Variants in CEP350 observed in about 807,000 individuals in gnomAD.
CEP350 encodes the protein centrosomal protein 350.
A neutral mutation model predicts 331.8 loss-of-function variants in CEP350; 126 were observed. The observed-to-expected ratio is 0.38, with a 90% CI of 0.33 to 0.44. CEP350 has a LOEUF of 0.44. Ranked by LOEUF, CEP350 falls within the 20% of genes least tolerant of loss-of-function variation. CEP350 has a pLI of 1.00. For synonymous variants in CEP350, 1,200 were observed against 1,259.5 expected (o/e 0.95, Z 1.00); for missense variants, 3,406 against 3,634.6 (o/e 0.94, Z 1.62).
chr1:180,070,749 G>T (rs1405259641), intron 27 of CEP350, among the ~76,000 whole-genome samples: 1 of 152,176 alleles, frequency 6.6e-6, no homozygotes, highest in Non-Finnish European at 1.5e-5. Flanking sequence ...ATTAGAAACT[G>T]ATCCTTCTAA....
rs558899410 is a variant in CEP350, at chr1:180,108,033, A to G, written c.9190-2964A>G. On this transcript the variant is annotated intron_variant, in intron 37 of 37. Transcript: ENST00000367607. ...TAGAGGCAAATTTGCAGGCTATGAG[A>G]TCCCCCAGTTGTTATAGTTGAAGAT... Among the ~76,000 whole-genome samples the G allele has an allele frequency of 1.5e-4, 23 of 152,268 alleles. No homozygotes were observed. The South Asian group carries it at 4.8e-3, about 32-fold the overall frequency.
At position 179,957,543 on chromosome 1, in the gene CEP350, G is replaced by C. The variant is rs534867090; in HGVS notation, c.-14+2401G>C. 2.3e-4 allele frequency among the ~76,000 whole-genome samples: 35 copies of C among 152,280 alleles called. 1 individual carries two copies. Among genetic ancestry groups the C allele is most frequent in the Middle Eastern group, 3.4e-3 (1 of 294 alleles). Reference sequence around the variant, plus strand: ...TCCTTTAATCACTATTATGCACCCAGTGCCTAGCATATGGTAACATAGTCA... The same window carrying C: ...TCCTTTAATCACTATTATGCACCCACTGCCTAGCATATGGTAACATAGTCA... On this transcript the variant is annotated intron_variant, in intron 1 of 37. Coordinates refer to ENST00000367607, the MANE Select transcript of CEP350 (RefSeq NM_014810.5).
chr1:180,045,123 C>G (rs760835196), intron 21 of CEP350, among the ~76,000 whole-genome samples: 15 of 152,144 alleles, frequency 9.9e-5, no homozygotes, highest in African/African-American at 3.6e-4. Flanking sequence ...GGGAAGATCA[C>G]CTGAGGTTAG....
At chr1:180,019,594 T>G (rs1655185241) in intron 11 of CEP350, among the ~76,000 whole-genome samples, 1 of 152,176 alleles carries the variant, frequency 6.6e-6, no homozygotes, top group Non-Finnish European at 1.5e-5. Flanking sequence ...GGAATTCTGT[T>G]TATAGAATTT....
chr1:180,028,662 G>A (rs1312338884), intron 14 of CEP350, among the ~76,000 whole-genome samples: 1 of 151,882 alleles, frequency 6.6e-6, no homozygotes, highest in East Asian at 1.9e-4. Context: ...AAATTATCCA[G>A]GCGTGGTGGC....
intron 30 of CEP350, among the ~76,000 whole-genome samples, chr1:180,082,713 C>T (rs1659652009): frequency 6.6e-6 from 1 of 152,144 alleles, no homozygotes; most frequent in Non-Finnish European, 1.5e-5. Context: ...AATCTTCAAC[C>T]ATAGATGGTA....
At position 180,036,979 on chromosome 1, in the gene CEP350, A is replaced by C. The variant is rs903887328; in HGVS notation, c.4000A>C (p.Ser1334Arg). The C allele has an allele frequency of 1.9e-6, 3 of 1,595,432 alleles. No homozygotes were observed. The African/African-American group carries it at 4.0e-5, about 21-fold the overall frequency. Residue 1334 changes from serine (S) to arginine (R), a missense_variant, in exon 17 of 38, where the codon AGT becomes CGT. Around this residue, in one of 5 missense-constraint regions of CEP350, gnomAD observed 1,857 missense variants for 1,909.2 expected, o/e 0.97. Coordinates refer to ENST00000367607, the MANE Select transcript of CEP350 (RefSeq NM_014810.5). ...GLHHRMAAEL[S>R]YLNAIEESVR... ...CCATCATCGTATGGCAGCAGAACTC[A>C]GTTATCTGAACGCCATTGAGGAGTC... is the stretch of plus-strand genomic sequence containing the variant.
chr1:180,074,362 C>A (rs1659086974), intron 27 of CEP350, among the ~76,000 whole-genome samples: 1 of 152,116 alleles, frequency 6.6e-6, no homozygotes. Context: ...TTTGATGCAT[C>A]CCTTTACTCA....
In CEP350 at chr1:180,003,278, C is replaced by G; in HGVS notation, c.1123C>G (p.His375Asp). ...SRELYRDLAL[H>D]FADDISIKEK... ...AGAACTGTATCGAGATTTAGCACTT[C>G]ACTTTGCAGGTGAGAATAGAGCTTT... The change falls in exon 7 of 38, where the codon CAC (histidine) becomes GAC (aspartate). Residue 375 changes from histidine (H) to aspartate (D), a missense_variant. His to Asp is a moderately conservative substitution (Grantham distance 81). This residue lies in a region of CEP350 where 1,857 missense variants were observed against 1,909.2 expected (regional missense o/e 0.97). Coordinates refer to ENST00000367607, the MANE Select transcript of CEP350 (RefSeq NM_014810.5). The G allele has an allele frequency of 1.2e-6, 2 of 1,602,194 alleles. No individual in the cohort carries two copies.
intron 14 of CEP350, 64 bp from the exon 15 acceptor site, chr1:180,031,255 AT>A (rs1656002417): frequency 1.1e-6 from 1 of 909,584 alleles, no homozygotes; most frequent in African/African-American, 1.7e-5. Flanking sequence ...AAATCTATAT[AT>A]CAATTATCTC....
At chr1:179,973,037 T>G (rs905407675) in intron 1 of CEP350, among the ~76,000 whole-genome samples, 1 of 151,980 alleles carries the variant, frequency 6.6e-6, no homozygotes, top group African/African-American at 2.4e-5. Context: ...CCCTTTAATT[T>G]TTTGTATTTT....
At chr1:179,977,844 A>G in intron 1 of CEP350, among the ~76,000 whole-genome samples, 1 of 151,850 alleles carries the variant, frequency 6.6e-6, no homozygotes, top group Middle Eastern at 3.2e-3. Flanking sequence ...AGCTTAAAAC[A>G]AATATACAGC....
rs146703191 is a variant in CEP350, at chr1:180,024,520, C to T, written c.3488C>T (p.Ala1163Val). The T allele has an allele frequency of 4.7e-5, 76 of 1,613,242 alleles. No individual in the cohort carries two copies. Among genetic ancestry groups the T allele is most frequent in the Admixed American group, 2.7e-4 (16 of 59,978 alleles). ...CAGCATTCATCAGGAGCCCAGTCTG[C>T]TGCATCGTCTCGTTCATCTACTTCT... Reference protein sequence around the residue: ...TSQHSSGAQSAASSRSSTSSK... With the variant: ...TSQHSSGAQSVASSRSSTSSK... The change falls in exon 14 of 38, where the codon GCT becomes GTT. Residue 1163 changes from alanine to valine, a missense_variant. Ala to Val is a moderately conservative substitution (Grantham distance 64, BLOSUM62 0). Transcript: ENST00000367607.
chr1:179,986,729 G>C (rs1226881566), intron 2 of CEP350, among the ~76,000 whole-genome samples: 2 of 152,118 alleles, frequency 1.3e-5, no homozygotes, highest in East Asian at 3.8e-4. Flanking sequence ...AGTAGTTGGA[G>C]GAAGTGGAAA....
intron 1 of CEP350, among the ~76,000 whole-genome samples, chr1:179,967,117 T>C (rs1380647916): frequency 6.6e-6 from 1 of 152,224 alleles, no homozygotes; most frequent in Non-Finnish European, 1.5e-5. Context: ...AGATCATCTC[T>C]GAAAATGTGT....
chr1:180,085,083 T>G (rs1659785774), intron 31 of CEP350, among the ~76,000 whole-genome samples: 1 of 151,550 alleles, frequency 6.6e-6, no homozygotes, highest in African/African-American at 2.4e-5. Context: ...TTTCTCCTTT[T>G]CTTTCCTCCT....
At chr1:180,088,363 C>G (rs1659983208) in intron 32 of CEP350, among the ~76,000 whole-genome samples, 1 of 149,356 alleles carries the variant, frequency 6.7e-6, no homozygotes, top group Admixed American at 6.7e-5. Context: ...AAGGTTAGAT[C>G]AGTTCAATTG....
chr1:180,038,450 A>G (rs1437025396), intron 17 of CEP350, among the ~76,000 whole-genome samples: 3 of 152,206 alleles, frequency 2.0e-5, no homozygotes, highest in African/African-American at 7.2e-5. Flanking sequence ...GAAACTTTAT[A>G]AGAAACTGCC....
chr1:179,997,669 A>C (rs992909969), intron 6 of CEP350, among the ~76,000 whole-genome samples: 1 of 152,176 alleles, frequency 6.6e-6, no homozygotes, highest in Non-Finnish European at 1.5e-5. Context: ...TTAGTCCTTC[A>C]GGGGATTCTT....
Sources: allele counts gnomAD v4.1 joint callset (sites outside exome capture counted in the v4.1 genomes callset), GRCh38; gene constraint gnomAD v4.1.1; regional missense constraint gnomAD v4.1.1; transcripts MANE v1.5; gene names NCBI Gene and HGNC (gene_info 2026-07-23, HGNC 2026-07-21).